The following PAK1 variants were observed in gnomAD, a reference collection of about 807,000 sequenced individuals.
PAK1 encodes the protein p21 (RAC1) activated kinase 1.
A neutral mutation model predicts 67.4 loss-of-function variants in PAK1; 29 were observed. The ratio of observed to expected loss-of-function variants is 0.43; its 90% CI spans 0.32 to 0.59. The LOEUF is 0.59. PAK1 is among the 20% of genes least tolerant of loss of function. The pLI, the probability that PAK1 is intolerant of heterozygous loss-of-function variation, is 0.07. For missense variants in PAK1, 337 were observed against 670.7 expected, an observed-to-expected ratio of 0.50 and a Z score of 5.50; for synonymous variants, 223 against 237.4, an observed-to-expected ratio of 0.94 and a Z score of 0.56.
the PAK1 span, among the ~76,000 whole-genome samples, chr11:77,521,603 TG>T: frequency 3.3e-5 from 5 of 152,034 alleles, no homozygotes; most frequent in East Asian, 7.7e-4. Context: ...AAGGTGCAGC[TG>T]TGGAATTGAG....
At chr11:77,463,764 C>T (rs111472013) in intron 1 of PAK1, among the ~76,000 whole-genome samples, 29 of 152,248 alleles carry the variant, frequency 1.9e-4, no homozygotes, top group African/African-American at 6.0e-4. Context: ...CACAGGGTAG[C>T]GTTTTGAAAG....
intron 4 of PAK1, among the ~76,000 whole-genome samples, chr11:77,376,280 A>G (rs1949076336): frequency 6.6e-6 from 1 of 152,220 alleles, no homozygotes; most frequent in African/African-American, 2.4e-5. Flanking sequence ...ATGGAACAGA[A>G]AGTGCTTCCA....
intron 5 of PAK1, among the ~76,000 whole-genome samples, chr11:77,370,095 G>A (rs1039349961): frequency 1.3e-5 from 2 of 152,244 alleles, no homozygotes; most frequent in Middle Eastern, 3.4e-3. Flanking sequence ...GGTCTGATAC[G>A]ATCTGTTTGT....
intron 14 of PAK1, among the ~76,000 whole-genome samples, chr11:77,324,727 A>G (rs909979170): frequency 2.0e-5 from 3 of 151,452 alleles, no homozygotes; most frequent in African/African-American, 4.8e-5. Context: ...AATTCCCTTG[A>G]TTAGTCATAT....
intron 1 of PAK1, among the ~76,000 whole-genome samples, chr11:77,441,921 G>GA (rs1290624108): frequency 1.3e-5 from 2 of 152,162 alleles, no homozygotes; most frequent in East Asian, 3.9e-4. Flanking sequence ...TTGTGTTCCC[G>GA]ACCCTCACGA....
In PAK1 at chr11:77,429,021, G is replaced by C. The variant is rs965611616; in HGVS notation, c.-21-36480C>G. 5.0e-5 allele frequency among the ~76,000 whole-genome samples: 6 copies of C among 120,348 alleles called. No individual in the cohort carries two copies. In the East Asian group the frequency reaches 1.6e-3, roughly 32 times the overall value. The allele number at this position is 120,348 out of a possible 152,430, so 79.0% of individuals were successfully genotyped here. On this transcript the variant is annotated intron_variant, in intron 1 of 14. Coordinates refer to ENST00000356341, the MANE Select transcript of PAK1 (RefSeq NM_002576.5). ...TCCAATAACAATGAGCATTATCTAG[G>C]AACCAGATTTTGGATTCTAAATGCC...
At chr11:77,378,240 C>T (rs778334999) in intron 4 of PAK1, among the ~76,000 whole-genome samples, 15 of 152,100 alleles carry the variant, frequency 9.9e-5, no homozygotes, top group African/African-American at 2.4e-4. Flanking sequence ...AAAGCTGGTC[C>T]GCTGTGGAAG....
At chr11:77,519,799 G>A in the PAK1 span, among the ~76,000 whole-genome samples, 1 of 152,196 alleles carries the variant, frequency 6.6e-6, no homozygotes, top group African/African-American at 2.4e-5. Context: ...CTAATACCAG[G>A]TTCTAGACAC....
chr11:77,448,311 C>A (rs1956705936), intron 1 of PAK1, among the ~76,000 whole-genome samples: 1 of 152,178 alleles, frequency 6.6e-6, no homozygotes, highest in Non-Finnish European at 1.5e-5. Context: ...TGGTACTTTC[C>A]TCTTTTATTG....
chr11:77,471,845 T>C (rs1289071422), intron 1 of PAK1, among the ~76,000 whole-genome samples: 1 of 152,186 alleles, frequency 6.6e-6, no homozygotes, highest in Non-Finnish European at 1.5e-5. Context: ...GCTTAGTAAA[T>C]GTATATTGAA....
chr11:77,357,954 G>T (rs1012872649), intron 6 of PAK1, among the ~76,000 whole-genome samples: 1 of 152,064 alleles, frequency 6.6e-6, no homozygotes, highest in Non-Finnish European at 1.5e-5. Flanking sequence ...CAGTGTTAAC[G>T]ACTCTCCAAT....
chr11:77,323,298 C>A lies in PAK1; in HGVS notation c.1614G>T (p.Lys538Asn). 2 of 1,614,006 alleles carry A rather than the reference C, an allele frequency of 1.2e-6. No individual in the cohort carries two copies. Among genetic ancestry groups the A allele is most frequent in the Non-Finnish European group, 1.7e-6 (2 of 1,179,940 alleles). ...TTTAGTGATTGTTCTTTGTTGCCTC[C>A]TTAGCTGCAGCAATCAGTGGAGTGA... is the stretch of plus-strand genomic sequence containing the variant. The part of the protein sequence containing the change: ...SSLTPLIAAA[K>N]EATKNNH The change falls in exon 15 of 15, where the codon AAG becomes AAT. Residue 538 changes from lysine to asparagine, a missense_variant. Physicochemically the swap from Lys to Asn is moderately conservative, Grantham distance 94. Transcript: ENST00000356341.
intron 1 of PAK1, among the ~76,000 whole-genome samples, chr11:77,472,438 G>A (rs1394057730): frequency 6.6e-6 from 1 of 152,216 alleles, no homozygotes; most frequent in Non-Finnish European, 1.5e-5. Flanking sequence ...AGGAGAGACA[G>A]GATGGAGGCC....
chr11:77,528,869 G>A, the PAK1 span, among the ~76,000 whole-genome samples: 3 of 151,928 alleles, frequency 2.0e-5, no homozygotes, highest in Non-Finnish European at 1.5e-5. Flanking sequence ...AATTATTTTG[G>A]CAAGAATATT....
At chr11:77,510,407 T>A in the PAK1 span, among the ~76,000 whole-genome samples, 1 of 152,236 alleles carries the variant, frequency 6.6e-6, no homozygotes, top group Non-Finnish European at 1.5e-5. Flanking sequence ...ATTGTTGTAC[T>A]TTTAGTAGAG....
intron 1 of PAK1, among the ~76,000 whole-genome samples, chr11:77,469,184 G>C (rs1957736706): frequency 6.6e-6 from 1 of 152,132 alleles, no homozygotes. Flanking sequence ...ATAGCTGCTG[G>C]AGTCAGGTGC....
Position 77,462,351 on chromosome 11 carries a change from G to A in PAK1, c.-22+11201C>T, listed in dbSNP as rs548235366. Reference sequence around the variant, plus strand: ...GTCTCAAAAAAAAAAAAAATGTTCCGCATCCTTAGATAGCATCAGGACATA... The same window carrying A: ...GTCTCAAAAAAAAAAAAAATGTTCCACATCCTTAGATAGCATCAGGACATA... On this transcript the variant is annotated intron_variant, in intron 1 of 14. Coordinates refer to ENST00000356341, the MANE Select transcript of PAK1 (RefSeq NM_002576.5). Among the ~76,000 whole-genome samples the A allele has an allele frequency of 2.1e-4, 32 of 151,288 alleles. No homozygotes were observed. In the East Asian group the frequency reaches 4.5e-3, roughly 21 times the overall value.
At chr11:77,423,516 C>G (rs1955395483) in intron 1 of PAK1, among the ~76,000 whole-genome samples, 2 of 151,876 alleles carry the variant, frequency 1.3e-5, no homozygotes, top group South Asian at 4.1e-4. Context: ...AGTACCAACA[C>G]TCCATGCTTT....
intron 5 of PAK1, among the ~76,000 whole-genome samples, chr11:77,360,404 T>G (rs1287310936): frequency 6.6e-6 from 1 of 152,204 alleles, no homozygotes; most frequent in Admixed American, 6.5e-5. Flanking sequence ...TAAATCGCTT[T>G]AAGTTCCAAA....
Sources: gnomAD v4.1 joint callset for allele counts (sites outside exome capture counted in the v4.1 genomes callset) on GRCh38, gnomAD v4.1.1 for gene constraint, MANE v1.5 for transcripts, NCBI Gene and HGNC (gene_info 2026-07-23, HGNC 2026-07-21) for gene names.